HHAT: variants seen among roughly 807,000 people sequenced by gnomAD.
HHAT encodes hedgehog acyltransferase, also known as protein-cysteine N-palmitoyltransferase HHAT.
In HHAT, 47 loss-of-function variants were observed where a neutral mutation model predicts 70.8. The observed-to-expected ratio is 0.66, with a 90% CI of 0.53 to 0.85. HHAT has a LOEUF of 0.85. Ranked by LOEUF, HHAT falls within the 40% of genes least tolerant of loss-of-function variation. The pLI is 0.00. For missense variants in HHAT, 609 were observed against 604.8 expected (o/e 1.01, Z -0.07); for synonymous variants, 228 against 247.6 (o/e 0.92, Z 0.74).
intron 2 of HHAT, 26 bp downstream of exon 2, chr1:210,349,092 C>T: frequency 6.2e-7 from 1 of 1,605,904 alleles, no homozygotes; most frequent in African/African-American, 1.3e-5. Context: ...TTTCAGACCT[C>T]CTATCAAACA....
intron 2 of HHAT, 53 bp downstream of exon 2, chr1:210,349,119 A>T: frequency 6.4e-7 from 1 of 1,573,888 alleles, no homozygotes. Context: ...CTCCTGTCAA[A>T]AAAAGGAGCA....
intron 10 of HHAT, among the ~76,000 whole-genome samples, chr1:210,606,639 T>C (rs1168203492): frequency 5.3e-5 from 8 of 152,208 alleles, no homozygotes; most frequent in African/African-American, 1.7e-4. Context: ...AATCCCTGTT[T>C]CTTTGTGCTG....
At chr1:210,355,929 AT>A (rs1211675149) in intron 2 of HHAT, among the ~76,000 whole-genome samples, 2 of 151,384 alleles carry the variant, frequency 1.3e-5, no homozygotes, top group African/African-American at 2.4e-5. Context: ...CATTATTATT[AT>A]TTTTGAGACA....
chr1:210,617,517 G>A (rs77951836), intron 10 of HHAT, among the ~76,000 whole-genome samples: 2,980 of 152,228 alleles, frequency 0.02, 40 homozygotes, highest in Middle Eastern at 0.037. Context: ...AGGGTGAGGC[G>A]GTACTATTGC....
intron 9 of HHAT, among the ~76,000 whole-genome samples, chr1:210,562,231 A>C (rs1046704656): frequency 2.7e-5 from 4 of 150,034 alleles, no homozygotes; most frequent in African/African-American, 1.0e-4. Flanking sequence ...TAGCAGCACA[A>C]ATCAAGCACT....
intron 8 of HHAT, among the ~76,000 whole-genome samples, chr1:210,483,711 T>A (rs1429258732): frequency 6.6e-6 from 1 of 152,210 alleles, no homozygotes; most frequent in Non-Finnish European, 1.5e-5. Flanking sequence ...TAAAGTCAGT[T>A]GTGTCCAGCT....
At position 210,440,179 on chromosome 1, in the gene HHAT, AGACATCAT is replaced by A. The variant is rs530938690; in HGVS notation, c.856+21856_856+21863del. ...CCTACACCATATTTCTTGGAATTAA[AGACATCAT>A]GCCCTTAGTAGTTGTAAGTTGGGTT... On this transcript the variant is annotated intron_variant, in intron 7 of 11. Transcript: ENST00000261458. Among the ~76,000 whole-genome samples, 36 of 151,866 alleles carry A rather than the reference AGACATCAT, an allele frequency of 2.4e-4. No homozygotes were observed. In the East Asian group the frequency reaches 7.0e-3, roughly 29 times the overall value.
intron 2 of HHAT, among the ~76,000 whole-genome samples, chr1:210,350,216 T>G (rs2086892520): frequency 6.6e-6 from 1 of 152,214 alleles, no homozygotes; most frequent in Admixed American, 6.5e-5. Flanking sequence ...TAAAGATGTT[T>G]ATAGCAGCTT....
chr1:210,553,168 C>T (rs2095542039), intron 9 of HHAT, among the ~76,000 whole-genome samples: 2 of 152,142 alleles, frequency 1.3e-5, no homozygotes, highest in African/African-American at 4.8e-5. Flanking sequence ...GATCCAGTGG[C>T]TCCACTGCTG....
intron 7 of HHAT, among the ~76,000 whole-genome samples, chr1:210,438,192 G>A (rs2093424292): frequency 6.6e-6 from 1 of 151,726 alleles, no homozygotes; most frequent in Non-Finnish European, 1.5e-5. Flanking sequence ...GTGTGTGTGT[G>A]TGTATACACA....
At chr1:210,400,292 G>A (rs1216763042) in intron 4 of HHAT, among the ~76,000 whole-genome samples, 176 bp from the exon 5 acceptor site, 1 of 152,112 alleles carries the variant, frequency 6.6e-6, no homozygotes, top group African/African-American at 2.4e-5. Flanking sequence ...AATCTTGTTT[G>A]TCTGTGTTGT....
chr1:210,455,007 T>C (rs1393549648), intron 7 of HHAT, among the ~76,000 whole-genome samples: 3 of 152,182 alleles, frequency 2.0e-5, no homozygotes, highest in African/African-American at 7.2e-5. Context: ...TAGAGCCCTT[T>C]CTACAGATCA....
chr1:210,370,036 GTC>G (rs1354947872), intron 3 of HHAT, among the ~76,000 whole-genome samples: 1 of 151,818 alleles, frequency 6.6e-6, no homozygotes, highest in Non-Finnish European at 1.5e-5. Context: ...GCCTTGCCCT[GTC>G]TCTCTCTTCT....
intron 11 of HHAT, among the ~76,000 whole-genome samples, chr1:210,648,685 C>T (rs914735818): frequency 3.9e-5 from 6 of 152,212 alleles, no homozygotes; most frequent in African/African-American, 7.2e-5. Flanking sequence ...CACGCATTCT[C>T]CAGAACATGC....
intron 10 of HHAT, among the ~76,000 whole-genome samples, chr1:210,594,433 G>A (rs185827140): frequency 3.6e-4 from 55 of 152,162 alleles, no homozygotes; most frequent in Admixed American, 1.5e-3. Context: ...AAGAGAAAAC[G>A]AATAAAAACT....
At chr1:210,353,714 C>T (rs1013360842) in intron 2 of HHAT, among the ~76,000 whole-genome samples, 1 of 151,728 alleles carries the variant, frequency 6.6e-6, no homozygotes, top group African/African-American at 2.4e-5. Flanking sequence ...CCACTTCTCC[C>T]TCCCTTCTAT....
chr1:210,530,714 G>A (rs752624964), intron 9 of HHAT, among the ~76,000 whole-genome samples: 1 of 152,164 alleles, frequency 6.6e-6, no homozygotes, highest in Non-Finnish European at 1.5e-5. Flanking sequence ...TTACACAAGA[G>A]CCTAGGAGAA....
intron 10 of HHAT, among the ~76,000 whole-genome samples, chr1:210,612,248 T>C (rs970233432): frequency 2.0e-5 from 3 of 152,208 alleles, no homozygotes; most frequent in Admixed American, 2.0e-4. Flanking sequence ...CGTATTGTTT[T>C]ACAACCATCA....
intron 3 of HHAT, among the ~76,000 whole-genome samples, chr1:210,372,931 CAT>C: frequency 6.6e-6 from 1 of 152,246 alleles, no homozygotes; most frequent in South Asian, 2.1e-4. Context: ...TAATCCATCA[CAT>C]ATTGAGCACC....
Sources: gnomAD v4.1 joint callset for allele counts (sites outside exome capture counted in the v4.1 genomes callset) on GRCh38, gnomAD v4.1.1 for gene constraint, MANE v1.5 for transcripts, NCBI Gene and HGNC (gene_info 2026-07-23, HGNC 2026-07-21) for gene names.